Variants in CCDC93 observed in about 807,000 individuals in gnomAD.
CCDC93 encodes the protein coiled-coil domain-containing protein 93.
In CCDC93, 61 loss-of-function variants were observed where a neutral mutation model predicts 108.2. The ratio of observed to expected loss-of-function variants is 0.56; its 90% CI spans 0.46 to 0.70. The LOEUF (loss-of-function observed/expected upper bound fraction) is 0.70, where lower values mean the gene tolerates loss of function less well. CCDC93 is among the 30% of genes least tolerant of loss of function. The pLI, the probability that CCDC93 is intolerant of heterozygous loss-of-function variation, is 0.00. For missense variants in CCDC93, 685 were observed against 764.2 expected (o/e 0.90, Z 1.22); for synonymous variants, 276 against 260.4 (o/e 1.06, Z -0.58).
At chr2:117,928,416 G>GA (rs533222098) in intron 23 of CCDC93, among the ~76,000 whole-genome samples, 4 of 151,260 alleles carry the variant, frequency 2.6e-5, no homozygotes, top group Admixed American at 6.6e-5. Context: ...AAATTCACAA[G>GA]AAAAAAAACA....
intron 13 of CCDC93, chr2:117,949,756 G>A (rs1678994242): frequency 1.0e-6 from 1 of 984,850 alleles, no homozygotes; most frequent in Non-Finnish European, 1.2e-6. Context: ...GAAAATAGTA[G>A]ACTAAGCACA....
intron 11 of CCDC93, among the ~76,000 whole-genome samples, chr2:117,971,960 A>G (rs1199296780): frequency 1.3e-5 from 2 of 152,222 alleles, no homozygotes; most frequent in Non-Finnish European, 2.9e-5. Context: ...CCGCTTCTCC[A>G]TTGGAAGTTT....
chr2:117,958,540 A>C (rs1679290237), intron 11 of CCDC93, 59 bp from the exon 12 acceptor site: 2 of 1,008,938 alleles, frequency 2.0e-6, no homozygotes, highest in Admixed American at 3.4e-5. Flanking sequence ...TGGTTCATGT[A>C]ATCAAGCCCT....
intron 6 of CCDC93, 55 bp downstream of exon 6, chr2:117,995,391 G>A (rs1195319334): frequency 1.5e-6 from 2 of 1,320,672 alleles, no homozygotes; most frequent in Admixed American, 1.7e-5. Context: ...ATTTAACAAA[G>A]GGCTATCTGA....
chr2:117,967,101 A>G (rs1335546572), intron 11 of CCDC93, among the ~76,000 whole-genome samples: 1 of 152,204 alleles, frequency 6.6e-6, no homozygotes, highest in East Asian at 1.9e-4. Context: ...CAAGCTACCA[A>G]TCCCACCTCA....
Position 117,946,839 on chromosome 2 carries a change from G to C in CCDC93, c.1268C>G (p.Ala423Gly). 1 of 1,613,600 alleles carries C rather than the reference G, an allele frequency of 6.2e-7. No homozygotes were observed. The highest frequency in any genetic ancestry group is 8.5e-7 in the Non-Finnish European group (1 of 1,179,478). ...RLQQEIENLK[A>G]ERAPRGDEKT... The stretch of plus-strand genomic sequence containing the variant: ...TTCATCTCCACGTGGTGCTCTCTCA[G>C]CTTTCAGGTTTTCAATTTCTTGCTG... The change falls in exon 16 of 24, where the codon GCT becomes GGT. Residue 423 changes from alanine to glycine, a missense_variant. By Grantham distance (60) the Ala-to-Gly change is moderately conservative. Transcript: ENST00000376300.
chr2:117,956,811 G>C (rs1419083503), intron 12 of CCDC93, among the ~76,000 whole-genome samples: 2 of 151,878 alleles, frequency 1.3e-5, no homozygotes, highest in Non-Finnish European at 2.9e-5. Flanking sequence ...TGATTGGGCA[G>C]GACCATTTGA....
At chr2:118,001,028 T>G in intron 3 of CCDC93, 96 bp from the exon 4 acceptor site, 1 of 730,370 alleles carries the variant, frequency 1.4e-6, no homozygotes, top group Non-Finnish European at 2.5e-6. Context: ...GATCTGGGAC[T>G]TCTCCATGCC....
intron 3 of CCDC93, among the ~76,000 whole-genome samples, chr2:118,002,422 C>G (rs1326249538): frequency 6.6e-6 from 1 of 152,148 alleles, no homozygotes; most frequent in Non-Finnish European, 1.5e-5. Flanking sequence ...AAAGTTAAAA[C>G]AGCCCCCCAG....
intron 23 of CCDC93, among the ~76,000 whole-genome samples, chr2:117,927,587 C>G (rs1183428216): frequency 6.6e-6 from 1 of 152,166 alleles, no homozygotes; most frequent in African/African-American, 2.4e-5. Context: ...GAACTACAAA[C>G]CACTGCTCGA....
At chr2:117,928,952 C>T (rs576860406) in intron 23 of CCDC93, among the ~76,000 whole-genome samples, 10 of 152,284 alleles carry the variant, frequency 6.6e-5, no homozygotes, top group African/African-American at 2.2e-4. Context: ...GAGTTCATGT[C>T]CTTTGTAGGG....
chr2:117,922,528 G>A (rs1275709996), intron 23 of CCDC93, among the ~76,000 whole-genome samples: 2 of 152,180 alleles, frequency 1.3e-5, no homozygotes, highest in African/African-American at 4.8e-5. Flanking sequence ...TTAGTATCAT[G>A]ACCTGATGGC....
chr2:117,978,003 T>A lies in CCDC93; in HGVS notation c.648A>T (p.Lys216Asn). ...TCAATGTTTTTCTTACCTTCTCCATTTTGCTCTGGCGGCTAAATCCATATC... is the reference window on the plus strand; with the variant it reads ...TCAATGTTTTTCTTACCTTCTCCATATTGCTCTGGCGGCTAAATCCATATC... ...GRRYGFSRQSKMEKAEDKKTA... is the reference protein window; with the variant it reads ...GRRYGFSRQSNMEKAEDKKTA... The change falls in exon 8 of 24, where the codon AAA (lysine) becomes AAT (asparagine). Residue 216 changes from lysine to asparagine, a missense_variant. By Grantham distance (94) the Lys-to-Asn change is moderately conservative. Transcript: ENST00000376300. The A allele has an allele frequency of 1.2e-6, 2 of 1,613,924 alleles. No individual in the cohort carries two copies. The highest frequency in any genetic ancestry group is 1.7e-6 in the Non-Finnish European group (2 of 1,179,824).
At chr2:117,973,415 A>AG (rs1491250692) in intron 11 of CCDC93, among the ~76,000 whole-genome samples, 2 of 7,130 alleles carry the variant, frequency 2.8e-4, no homozygotes, top group African/African-American at 5.3e-4. Context: ...CTTAGGATGG[A>AG]AAAAAAAAAA....
chr2:118,007,127 T>C lies in CCDC93; in HGVS notation c.157-311A>G, dbSNP rs79615220. ...GGCATGACTGAGGAGCTGACTTTTATTATTAAATGAACATACTGTACATAG... is the reference window on the plus strand; with the variant it reads ...GGCATGACTGAGGAGCTGACTTTTACTATTAAATGAACATACTGTACATAG... On this transcript the variant is annotated intron_variant, in intron 2 of 23. Coordinates refer to ENST00000376300, the MANE Select transcript of CCDC93 (RefSeq NM_019044.5). 1.1e-3 allele frequency among the ~76,000 whole-genome samples: 170 copies of C among 152,362 alleles called. No individual in the cohort carries two copies. In the East Asian group the frequency reaches 0.021, roughly 19 times the overall value.
intron 13 of CCDC93, chr2:117,950,905 T>C: frequency 1.0e-6 from 1 of 985,446 alleles, no homozygotes; most frequent in Non-Finnish European, 1.2e-6. Flanking sequence ...CTTTCCCATC[T>C]GCAAAAAGGA....
At chr2:117,967,008 T>C (rs1395958009) in intron 11 of CCDC93, among the ~76,000 whole-genome samples, 1 of 152,210 alleles carries the variant, frequency 6.6e-6, no homozygotes, top group Non-Finnish European at 1.5e-5. Flanking sequence ...GCCTTTTTTT[T>C]CTGAAACAAA....
At chr2:117,929,141 A>G (rs1678234142) in intron 23 of CCDC93, among the ~76,000 whole-genome samples, 1 of 152,210 alleles carries the variant, frequency 6.6e-6, no homozygotes, top group Non-Finnish European at 1.5e-5. Flanking sequence ...GGATAGCATT[A>G]GAAGATATAC....
chr2:117,950,810 G>C, intron 13 of CCDC93: 1 of 985,376 alleles, frequency 1.0e-6, no homozygotes, highest in Non-Finnish European at 1.2e-6. Context: ...TTTCCTATTA[G>C]ATAGTAAGCT....
Sources: allele counts gnomAD v4.1 joint callset (sites outside exome capture counted in the v4.1 genomes callset), GRCh38; gene constraint gnomAD v4.1.1; transcripts MANE v1.5; gene names NCBI Gene and HGNC (gene_info 2026-07-23, HGNC 2026-07-21).